Variants in FAM78B observed in about 807,000 individuals in gnomAD.
FAM78B encodes protein FAM78B.
FAM78B carries 10 observed loss-of-function variants against 20.0 expected under a neutral mutation model. The ratio of observed to expected loss-of-function variants is 0.50; its 90% CI spans 0.31 to 0.85. The LOEUF (loss-of-function observed/expected upper bound fraction) is 0.85. Among genes scored for constraint, FAM78B ranks in the 40% least tolerant of loss-of-function variants. The pLI is 0.05. For synonymous variants in FAM78B, 135 were observed against 132.8 expected (o/e 1.02, Z -0.12); for missense variants, 283 against 345.0 (o/e 0.82, Z 1.42).
chr1:166,157,048 G>A (rs1463691873), intron 1 of FAM78B, among the ~76,000 whole-genome samples: 2 of 86,976 alleles, frequency 2.3e-5, no homozygotes, highest in Non-Finnish European at 5.0e-5. Context: ...GGGGGGGGGG[G>A]GCTCCAATGC....
At chr1:166,104,222 T>C (rs1448674873) in intron 1 of FAM78B, among the ~76,000 whole-genome samples, 5 of 152,112 alleles carry the variant, frequency 3.3e-5, no homozygotes, top group Non-Finnish European at 5.9e-5. Context: ...TAAGAGCTAT[T>C]TATGACAAAC....
intron 1 of FAM78B, among the ~76,000 whole-genome samples, chr1:166,153,801 G>A (rs376800179): frequency 3.9e-5 from 6 of 152,084 alleles, no homozygotes; most frequent in South Asian, 4.1e-4. Context: ...CAGGATGCTC[G>A]GAGGTATATA....
At chr1:166,163,601 A>G (rs570623248) in intron 1 of FAM78B, among the ~76,000 whole-genome samples, 2 of 152,366 alleles carry the variant, frequency 1.3e-5, no homozygotes, top group African/African-American at 4.8e-5. Flanking sequence ...TATTTTTTAC[A>G]ATCCAGATAT....
chr1:166,057,635 CTCTT>C (rs752920808), exon 3 of FAM78B: 3 of 152,206 alleles, frequency 2.0e-5, no homozygotes, highest in Non-Finnish European at 2.9e-5. Context: ...TACCTGGTTT[CTCTT>C]TCTTCAAAGT....
intron 1 of FAM78B, among the ~76,000 whole-genome samples, chr1:166,125,292 G>A (rs931257510): frequency 7.2e-5 from 11 of 152,102 alleles, no homozygotes; most frequent in South Asian, 2.1e-4. Context: ...CCCCTGACTC[G>A]GTTTCTCCAG....
chr1:166,110,245 T>C (rs1438555291), intron 1 of FAM78B, among the ~76,000 whole-genome samples: 2 of 151,652 alleles, frequency 1.3e-5, no homozygotes, highest in Non-Finnish European at 1.5e-5. Flanking sequence ...ATACCACCTG[T>C]ACCCCAATAA....
chr1:166,084,260 CTCTCTT>C (rs1380837068), intron 1 of FAM78B, among the ~76,000 whole-genome samples: 10 of 149,676 alleles, frequency 6.7e-5, no homozygotes, highest in African/African-American at 2.0e-4. Context: ...CTCTCTCTCT[CTCTCTT>C]TCTCTCTCTC....
At chr1:166,094,003 C>CTGTGTGTGTGTGTGTGTG (rs58213930) in intron 1 of FAM78B, among the ~76,000 whole-genome samples, 2,100 of 125,218 alleles carry the variant, frequency 0.017, 35 homozygotes, top group Middle Eastern at 0.038. Context: ...TTGCGAATGA[C>CTGTGTGTGTGTGTGTGTG]TGTGTGTGTG....
chr1:166,086,203 C>T (rs1652822458), intron 1 of FAM78B, among the ~76,000 whole-genome samples: 1 of 152,024 alleles, frequency 6.6e-6, no homozygotes. Context: ...TACCTTTGAC[C>T]CCTCTTCCTG....
chr1:166,094,380 TCA>T (rs1653196124), intron 1 of FAM78B, among the ~76,000 whole-genome samples: 1 of 152,196 alleles, frequency 6.6e-6, no homozygotes, highest in African/African-American at 2.4e-5. Context: ...CATGTAGGGC[TCA>T]GTCTCATGCC....
intron 1 of FAM78B, among the ~76,000 whole-genome samples, chr1:166,158,631 A>G (rs551338920): frequency 6.6e-6 from 1 of 152,204 alleles, no homozygotes; most frequent in Non-Finnish European, 1.5e-5. Flanking sequence ...CTCCTGGCAC[A>G]GGCACACTCA....
At chr1:166,062,879 G>C (rs957791664) in intron 2 of FAM78B, among the ~76,000 whole-genome samples, 4 of 152,204 alleles carry the variant, frequency 2.6e-5, no homozygotes, top group African/African-American at 7.2e-5. Context: ...TTGAAGGGCG[G>C]GGTGAAGGGA....
intron 1 of FAM78B, among the ~76,000 whole-genome samples, chr1:166,109,309 T>G (rs1653905615): frequency 6.6e-6 from 1 of 151,258 alleles, no homozygotes; most frequent in South Asian, 2.1e-4. Flanking sequence ...AACAAATCAG[T>G]AAGAAAAAAA....
intron 1 of FAM78B, among the ~76,000 whole-genome samples, chr1:166,137,034 T>C (rs989520372): frequency 6.6e-6 from 1 of 152,238 alleles, no homozygotes; most frequent in African/African-American, 2.4e-5. Flanking sequence ...GATCTTATTT[T>C]AGTCCTTTAC....
At chr1:166,059,940 T>C (rs1437099408) in exon 3 of FAM78B, 1 of 152,430 alleles carries the variant, frequency 6.6e-6, no homozygotes, top group African/African-American at 2.4e-5. Flanking sequence ...TAAATACAAA[T>C]AAATACATCA....
exon 3 of FAM78B, chr1:166,059,230 T>C (rs767674321): frequency 1.8e-4 from 27 of 152,772 alleles, no homozygotes; most frequent in African/African-American, 6.0e-4. Context: ...GTACCACTCA[T>C]GGGACCTGCC....
At chr1:166,079,747 C>A (rs1652492247) in intron 1 of FAM78B, among the ~76,000 whole-genome samples, 1 of 152,168 alleles carries the variant, frequency 6.6e-6, no homozygotes, top group Non-Finnish European at 1.5e-5. Flanking sequence ...GAGGATAGAA[C>A]TTACTTGATT....
downstream of FAM78B, among the ~76,000 whole-genome samples, chr1:166,066,954 C>T (rs1006380481): frequency 3.8e-5 from 5 of 130,248 alleles, no homozygotes; most frequent in South Asian, 2.3e-4. Context: ...CTGCATGCAG[C>T]GAAGGGCCCA....
rs570480702 is a variant in FAM78B at position 166,144,724 on chromosome 1, C to G, written c.263+21262G>C. Among the ~76,000 whole-genome samples the G allele has an allele frequency of 3.3e-5, 5 of 152,226 alleles. No individual in the cohort carries two copies. In the South Asian group the frequency reaches 1.0e-3, roughly 32 times the overall value. Reference sequence around the variant, plus strand: ...TCTCCAGCAACAAGGTGTAAACTAACTTTCCTCAAGGCAAAAAATCTTCAG... The same window carrying G: ...TCTCCAGCAACAAGGTGTAAACTAAGTTTCCTCAAGGCAAAAAATCTTCAG... On this transcript the variant is annotated intron_variant, in intron 1 of 1. Coordinates refer to ENST00000354422, the MANE Select transcript of FAM78B (RefSeq NM_001017961.5).
Sources: gnomAD v4.1 joint callset for allele counts (sites outside exome capture counted in the v4.1 genomes callset) on GRCh38, gnomAD v4.1.1 for gene constraint, MANE v1.5 for transcripts, NCBI Gene and HGNC (gene_info 2026-07-23, HGNC 2026-07-21) for gene names.